Variants in EDNRA observed in about 807,000 individuals in gnomAD.
The protein encoded by EDNRA is endothelin receptor type A, also known as endothelin-1 receptor.
A neutral mutation model predicts 41.4 loss-of-function variants in EDNRA; 11 were observed. The observed-to-expected ratio is 0.27, with a 90% CI of 0.17 to 0.44. EDNRA has a LOEUF of 0.44. Ranked by LOEUF, EDNRA falls within the 20% of genes least tolerant of loss-of-function variation. The pLI is 1.00. For missense variants in EDNRA, 294 were observed against 531.0 expected, an observed-to-expected ratio of 0.55 and a Z score of 4.39; for synonymous variants, 172 against 183.0, an observed-to-expected ratio of 0.94 and a Z score of 0.49.
At chr4:147,520,082 A>G in intron 3 of EDNRA, 104 bp downstream of exon 3, 1 of 1,397,816 alleles carries the variant, frequency 7.2e-7, no homozygotes. Flanking sequence ...GCTGTTGATT[A>G]GCTTCAAGTG....
chr4:147,481,538 A>C (rs1368843754), intron 1 of EDNRA, among the ~76,000 whole-genome samples, 162 bp downstream of exon 1: 1 of 152,186 alleles, frequency 6.6e-6, no homozygotes, highest in African/African-American at 2.4e-5. Context: ...GCTGGCACCC[A>C]CTTGCCCCAG....
At chr4:147,493,897 C>G (rs1238038806) in intron 2 of EDNRA, 1 of 152,030 alleles carries the variant, frequency 6.6e-6, no homozygotes, top group African/African-American at 2.4e-5. Context: ...GGCTCAGGAG[C>G]CTAAAATCAA....
Position 147,544,147 on chromosome 4 carries a change from A to G in EDNRA, c.*1529A>G, listed in dbSNP as rs5344. ...GTGCCCCGCAGTTGTGCCAAAGTGCATAGTCTGAGTAAAATCTAGGTGATT... is the reference window on the plus strand; with the variant it reads ...GTGCCCCGCAGTTGTGCCAAAGTGCGTAGTCTGAGTAAAATCTAGGTGATT... On this transcript the variant is annotated 3_prime_UTR_variant, in exon 8 of 8. Transcript: ENST00000651419. 0.05 allele frequency: 7,700 copies of G among 152,742 alleles called. 406 individuals carry two copies. Among genetic ancestry groups the G allele is most frequent in the African/African-American group, 0.13 (5,510 of 41,538 alleles). The allele number at this position is 152,742 out of a possible 1,614,324, so 9.5% of individuals were successfully genotyped here. A position where few individuals can be genotyped will look rare whatever the true frequency, so the allele number is the denominator to read the frequency against.
At chr4:147,500,439 C>T (rs1215010302) in intron 2 of EDNRA, among the ~76,000 whole-genome samples, 3 of 152,142 alleles carry the variant, frequency 2.0e-5, no homozygotes, top group Non-Finnish European at 4.4e-5. Context: ...TGTTAGCAGT[C>T]AGGTGCGGTG....
At chr4:147,483,227 A>T (rs1200673119) in intron 1 of EDNRA, among the ~76,000 whole-genome samples, 3 of 152,240 alleles carry the variant, frequency 2.0e-5, no homozygotes, top group Non-Finnish European at 4.4e-5. Context: ...GTCTAGTCAG[A>T]GCTGACAAAT....
chr4:147,536,085 G>C (rs1197982979), intron 5 of EDNRA, 56 bp downstream of exon 5: 16 of 1,586,466 alleles, frequency 1.0e-5, no homozygotes, highest in Non-Finnish European at 1.4e-5. Flanking sequence ...CTTGACAGCA[G>C]CAGGCCTGCA....
At chr4:147,511,498 C>A (rs1729922392) in intron 2 of EDNRA, among the ~76,000 whole-genome samples, 1 of 152,122 alleles carries the variant, frequency 6.6e-6, no homozygotes, top group Non-Finnish European at 1.5e-5. Context: ...TCCATCTACA[C>A]TCAGGATAAT....
chr4:147,531,065 T>G (rs185572148), intron 3 of EDNRA, among the ~76,000 whole-genome samples: 128 of 152,280 alleles, frequency 8.4e-4, no homozygotes, highest in African/African-American at 2.7e-3. Context: ...TCAAAGAACA[T>G]AGAATTTCTA....
chr4:147,526,372 A>T (rs1730548808), intron 3 of EDNRA, among the ~76,000 whole-genome samples: 1 of 151,998 alleles, frequency 6.6e-6, no homozygotes, highest in South Asian at 2.1e-4. Flanking sequence ...GCTGACTCTG[A>T]GCTTGTGTCA....
chr4:147,531,334 C>G (rs543227003), intron 3 of EDNRA, among the ~76,000 whole-genome samples: 1 of 152,114 alleles, frequency 6.6e-6, no homozygotes, highest in Admixed American at 6.5e-5. Context: ...GATATAATCC[C>G]TCTTTGACAT....
At chr4:147,501,789 G>A (rs1729524581) in intron 2 of EDNRA, among the ~76,000 whole-genome samples, 1 of 152,114 alleles carries the variant, frequency 6.6e-6, no homozygotes, top group Non-Finnish European at 1.5e-5. Context: ...CCAATCTTTT[G>A]TTTTTGCAGA....
At chr4:147,527,768 T>C (rs1319284153) in intron 3 of EDNRA, among the ~76,000 whole-genome samples, 1 of 152,202 alleles carries the variant, frequency 6.6e-6, no homozygotes, top group Non-Finnish European at 1.5e-5. Flanking sequence ...ACTTTTATTT[T>C]GGCCTATCAC....
chr4:147,525,118 C>A (rs1730488246), intron 3 of EDNRA, among the ~76,000 whole-genome samples: 1 of 152,076 alleles, frequency 6.6e-6, no homozygotes, highest in South Asian at 2.1e-4. Context: ...TGAGAGAAAC[C>A]TTACATCCAA....
chr4:147,526,701 T>C (rs1730563726), intron 3 of EDNRA, among the ~76,000 whole-genome samples: 1 of 152,194 alleles, frequency 6.6e-6, no homozygotes, highest in African/African-American at 2.4e-5. Context: ...TGGCTCAGCC[T>C]TAGGAGGCCG....
intron 3 of EDNRA, 66 bp downstream of exon 3, chr4:147,520,044 A>G (rs1220338484): frequency 1.3e-6 from 2 of 1,553,912 alleles, no homozygotes; most frequent in Non-Finnish European, 1.7e-6. Flanking sequence ...AAAAAGAAGA[A>G]AAGTCAAGAG....
At chr4:147,504,303 T>C (rs573251301) in intron 2 of EDNRA, among the ~76,000 whole-genome samples, 11 of 152,348 alleles carry the variant, frequency 7.2e-5, no homozygotes, top group Admixed American at 3.9e-4. Context: ...TACATTAAAA[T>C]ATGTTGTCTC....
At chr4:147,541,067 CAAAAAAA>C (rs10551607) in intron 7 of EDNRA, among the ~76,000 whole-genome samples, 5 of 46,166 alleles carry the variant, frequency 1.1e-4, no homozygotes, top group Admixed American at 3.1e-4. Context: ...GACTCAGTCT[CAAAAAAA>C]AAAAAAAAAA....
At chr4:147,521,905 T>G (rs2126452265) in intron 3 of EDNRA, among the ~76,000 whole-genome samples, 2 of 152,340 alleles carry the variant, frequency 1.3e-5, no homozygotes, top group South Asian at 4.1e-4. Context: ...AGGGTCTTGC[T>G]CTGTCACCCG....
At chr4:147,492,032 A>G (rs1729155282) in intron 2 of EDNRA, 1 of 152,264 alleles carries the variant, frequency 6.6e-6, no homozygotes, top group East Asian at 1.9e-4. Flanking sequence ...TCTACCTGGA[A>G]TATTTTTTCC....
Sources: gnomAD v4.1 joint callset for allele counts (sites outside exome capture counted in the v4.1 genomes callset) on GRCh38, gnomAD v4.1.1 for gene constraint, MANE v1.5 for transcripts, NCBI Gene and HGNC (gene_info 2026-07-23, HGNC 2026-07-21) for gene names.